Variants in FSTL5 observed in about 807,000 individuals in gnomAD.
FSTL5 encodes follistatin like 5, also known as follistatin-related protein 5.
FSTL5 carries 62 observed loss-of-function variants against 89.1 expected under a neutral mutation model. The observed-to-expected ratio is 0.70, with a 90% CI of 0.57 to 0.86. The LOEUF (loss-of-function observed/expected upper bound fraction) is 0.86. Among genes scored for constraint, FSTL5 ranks in the 40% least tolerant of loss-of-function variants. The pLI is 0.00. For missense variants in FSTL5, 1,057 were observed against 1,001.6 expected (o/e 1.06, Z -0.75); for synonymous variants, 383 against 346.2 (o/e 1.11, Z -1.18).
At chr4:161,475,397 T>C (rs544535087) in intron 13 of FSTL5, among the ~76,000 whole-genome samples, 16 of 152,290 alleles carry the variant, frequency 1.1e-4, no homozygotes, top group African/African-American at 3.4e-4. Context: ...GTTGGTACAC[T>C]TGACTGAGTC....
chr4:162,054,862 ACAAGTTGCAAAACTACCTC>A (rs1419285460), intron 2 of FSTL5, among the ~76,000 whole-genome samples: 4 of 151,962 alleles, frequency 2.6e-5, no homozygotes, highest in South Asian at 2.1e-4. Flanking sequence ...TAACTTCATT[ACAAGTTGCAAAACTACCTC>A]CAAGTTGCAA....
At chr4:161,798,543 A>G (rs1729702024) in intron 4 of FSTL5, among the ~76,000 whole-genome samples, 1 of 151,420 alleles carries the variant, frequency 6.6e-6, no homozygotes, top group Non-Finnish European at 1.5e-5. Flanking sequence ...AATCTACAAT[A>G]TTGGTCTACA....
At chr4:161,630,747 A>C (rs1385439077) in intron 7 of FSTL5, among the ~76,000 whole-genome samples, 1 of 152,196 alleles carries the variant, frequency 6.6e-6, no homozygotes, top group African/African-American at 2.4e-5. Flanking sequence ...TTCCAACAGA[A>C]AACCAATTAA....
At chr4:161,656,171 T>C (rs962569062) in intron 7 of FSTL5, among the ~76,000 whole-genome samples, 157 bp downstream of exon 7, 1 of 152,166 alleles carries the variant, frequency 6.6e-6, no homozygotes, top group Non-Finnish European at 1.5e-5. Context: ...AAAGGACCTA[T>C]AGTGCACCTC....
intron 5 of FSTL5, among the ~76,000 whole-genome samples, chr4:161,769,744 T>A (rs543287939): frequency 6.6e-6 from 1 of 151,956 alleles, no homozygotes; most frequent in African/African-American, 2.4e-5. Flanking sequence ...TTCTCTAAGA[T>A]CTAGAACATG....
intron 1 of FSTL5, among the ~76,000 whole-genome samples, chr4:162,139,743 A>C (rs1161849905): frequency 1.3e-5 from 2 of 152,152 alleles, no homozygotes; most frequent in Non-Finnish European, 2.9e-5. Flanking sequence ...ATTTCCTTAT[A>C]ATGTATGTAA....
intron 2 of FSTL5, among the ~76,000 whole-genome samples, chr4:162,104,092 A>G (rs1280957634): frequency 6.6e-6 from 1 of 152,214 alleles, no homozygotes; most frequent in East Asian, 1.9e-4. Flanking sequence ...GTTTGCCACT[A>G]TCGCAGACCC....
At chr4:161,448,627 T>TG (rs2126385302) in intron 15 of FSTL5, among the ~76,000 whole-genome samples, 1 of 152,238 alleles carries the variant, frequency 6.6e-6, no homozygotes, top group Admixed American at 6.5e-5. Flanking sequence ...TATAGACCAC[T>TG]CTCCAGACTG....
At chr4:162,008,372 A>T (rs2111123722) in intron 3 of FSTL5, among the ~76,000 whole-genome samples, 1 of 152,056 alleles carries the variant, frequency 6.6e-6, no homozygotes, top group Admixed American at 6.5e-5. Context: ...CTACTACTAT[A>T]CTTATTTCCA....
chr4:161,957,870 G>C (rs989472855), intron 3 of FSTL5, among the ~76,000 whole-genome samples: 2 of 151,898 alleles, frequency 1.3e-5, no homozygotes, highest in African/African-American at 4.8e-5. Context: ...TTCTTGCTTT[G>C]GGGGATGGTT....
At chr4:161,412,646 T>C (rs1731633276) in intron 15 of FSTL5, among the ~76,000 whole-genome samples, 1 of 152,108 alleles carries the variant, frequency 6.6e-6, no homozygotes, top group Admixed American at 6.6e-5. Flanking sequence ...ACTTAAAGTA[T>C]AATTTAAAAC....
chr4:162,153,119 G>A (rs914940585), intron 1 of FSTL5, among the ~76,000 whole-genome samples: 1 of 152,056 alleles, frequency 6.6e-6, no homozygotes, highest in Admixed American at 6.6e-5. Flanking sequence ...GTGAGTAGAT[G>A]TTCAGTATTC....
intron 3 of FSTL5, among the ~76,000 whole-genome samples, chr4:161,936,209 T>C (rs1734428221): frequency 6.6e-6 from 1 of 152,126 alleles, no homozygotes; most frequent in African/African-American, 2.4e-5. Flanking sequence ...ATTTAGGTAA[T>C]TGTAGGAATA....
At chr4:161,854,648 T>A (rs1731665080) in intron 4 of FSTL5, among the ~76,000 whole-genome samples, 1 of 152,112 alleles carries the variant, frequency 6.6e-6, no homozygotes, top group African/African-American at 2.4e-5. Flanking sequence ...ATGTCAGGAA[T>A]AAATAAGTTA....
chr4:161,398,678 C>T (rs1446899283), intron 15 of FSTL5, among the ~76,000 whole-genome samples: 2 of 152,026 alleles, frequency 1.3e-5, no homozygotes, highest in African/African-American at 4.8e-5. Context: ...ATTAGAAGTA[C>T]ATAATTTTAA....
In FSTL5 at chr4:162,076,013, T is replaced by C. The variant is rs534018576; in HGVS notation, c.126+35258A>G. On this transcript the variant is annotated intron_variant, in intron 2 of 15. Coordinates refer to ENST00000306100, the MANE Select transcript of FSTL5 (RefSeq NM_020116.5). ...GAGTATTCCCAATAAGACATCTGAA[T>C]CCAAATCTCTTTCTTAGTTTCTGTT... is the stretch of plus-strand genomic sequence containing the variant. Among the ~76,000 whole-genome samples the C allele has an allele frequency of 7.2e-5, 11 of 152,024 alleles. No homozygotes were observed. The East Asian group carries it at 2.1e-3, about 30-fold the overall frequency.
intron 7 of FSTL5, among the ~76,000 whole-genome samples, chr4:161,617,930 C>T (rs983169928): frequency 1.3e-5 from 2 of 152,118 alleles, no homozygotes; most frequent in Non-Finnish European, 2.9e-5. Flanking sequence ...GTCATTTTCA[C>T]GATATTGATT....
At chr4:161,612,931 A>T (rs1005608640) in intron 7 of FSTL5, among the ~76,000 whole-genome samples, 3 of 120,110 alleles carry the variant, frequency 2.5e-5, no homozygotes, top group Non-Finnish European at 4.9e-5. Context: ...ACAATGGTAT[A>T]TTAGTGCTCT....
At chr4:161,429,309 T>C (rs938900221) in intron 15 of FSTL5, among the ~76,000 whole-genome samples, 3 of 152,168 alleles carry the variant, frequency 2.0e-5, no homozygotes, top group African/African-American at 7.2e-5. Context: ...AAGGGAAGGA[T>C]ATAAGCCTTG....
Sources: allele counts gnomAD v4.1 joint callset (sites outside exome capture counted in the v4.1 genomes callset), GRCh38; gene constraint gnomAD v4.1.1; transcripts MANE v1.5; gene names NCBI Gene and HGNC (gene_info 2026-07-23, HGNC 2026-07-21).